The following MCM8 variants were observed in gnomAD, a reference collection of about 807,000 sequenced individuals.
MCM8 encodes minichromosome maintenance 8 homologous recombination repair factor.
A neutral mutation model predicts 98.9 loss-of-function variants in MCM8; 85 were observed. The observed-to-expected ratio is 0.86, with a 90% CI of 0.72 to 1.03. The LOEUF is 1.03. MCM8 is among the 50% of genes least tolerant of loss of function. The probability of loss-of-function intolerance (pLI) is 0.00; values close to 1 mark genes in which losing one functional copy is unlikely to be tolerated. For synonymous variants in MCM8, 352 were observed against 338.6 expected (o/e 1.04, Z -0.44); for missense variants, 951 against 997.8 (o/e 0.95, Z 0.63).
Position 5,952,017 on chromosome 20 carries a change from TGAATG to T in MCM8, c.5_9del (p.Asn2_?3). 1 of 1,611,986 alleles carries T rather than the reference TGAATG, an allele frequency of 6.2e-7. No individual in the cohort carries two copies. Among genetic ancestry groups the T allele is most frequent in the Non-Finnish European group, 8.5e-7 (1 of 1,178,912 alleles). ...TTTAATATCTATCTTTTAGGAGAGA[TGAATG>T]GAGAGTATAGAGGCAGAGGATTTGG... On this transcript the variant is annotated frameshift_variant and start_lost, in exon 2 of 19. Transcript: ENST00000610722. LOFTEE classifies it high-confidence loss of function.
At chr20:5,979,462 A>G (rs747034878) in intron 13 of MCM8, among the ~76,000 whole-genome samples, 1 of 152,090 alleles carries the variant, frequency 6.6e-6, no homozygotes, top group Non-Finnish European at 1.5e-5. Context: ...TATCTCCACA[A>G]ATTTCTCAAA....
Position 5,994,690 on chromosome 20 carries a change from G to T in MCM8, c.*299G>T. 1 of 472,558 alleles carries T rather than the reference G, an allele frequency of 2.1e-6. No individual in the cohort carries two copies. Among genetic ancestry groups the T allele is most frequent in the South Asian group, 1.7e-5 (1 of 60,518 alleles). 29.3% of individuals were successfully genotyped at this position (472,558 alleles called of 1,614,324 possible). On this transcript the variant is annotated 3_prime_UTR_variant, in exon 19 of 19. Transcript: ENST00000610722. ...GAGGTGAGAGGATTCCTTGAGGCCA[G>T]GGTTCGAGACCAACCTTGGGCAACA... is the stretch of plus-strand genomic sequence containing the variant.
chr20:5,983,977 G>A (rs1741893187), intron 14 of MCM8, among the ~76,000 whole-genome samples: 1 of 152,138 alleles, frequency 6.6e-6, no homozygotes, highest in Non-Finnish European at 1.5e-5. Context: ...GTACTAATGG[G>A]GGAACATGTC....
At chr20:5,980,626 C>G (rs1341101015) in intron 13 of MCM8, among the ~76,000 whole-genome samples, 1 of 152,032 alleles carries the variant, frequency 6.6e-6, no homozygotes, top group East Asian at 1.9e-4. Context: ...AATGCCAGCA[C>G]TTTGGGAGGC....
Position 5,967,600 on chromosome 20 carries a change from T to C in MCM8, c.1027+13T>C. 6.3e-7 allele frequency: 1 copy of C among 1,595,546 alleles called. No individual in the cohort carries two copies. Among genetic ancestry groups the C allele is most frequent in the South Asian group, 1.1e-5 (1 of 88,850 alleles). On this transcript the variant is annotated intron_variant, in intron 9 of 18. Transcript: ENST00000610722. The stretch of plus-strand genomic sequence containing the variant: ...AATGCGGAAGAAGGTAGGGTACAAC[T>C]CTTTTCATTATTTGTCTCTCAATAA...
chr20:5,957,908 A>G (rs1337799349), intron 6 of MCM8, among the ~76,000 whole-genome samples: 1 of 152,258 alleles, frequency 6.6e-6, no homozygotes, highest in South Asian at 2.1e-4. Flanking sequence ...CAGAATTTAT[A>G]GAAGAAAATT....
In MCM8 at chr20:5,985,979, G is replaced by T; in HGVS notation, c.2011G>T (p.Gly671Cys). Residue 671 changes from glycine (G) to cysteine (C), a missense_variant, in exon 16 of 19, where the codon GGC (glycine) becomes TGC (cysteine). Transcript: ENST00000610722. Reference protein sequence around the residue: ...IPHQLLRKYIGYARQYVYPRL... With the variant: ...IPHQLLRKYICYARQYVYPRL... ...CCACCAGCTATTGAGAAAGTACATT[G>T]GCTATGCTCGGCAGTATGTGTACCC... 16 of 1,614,202 alleles carry T rather than the reference G, an allele frequency of 9.9e-6. No individual in the cohort carries two copies. The highest frequency in any genetic ancestry group is 1.4e-5 in the Non-Finnish European group (16 of 1,180,032).
In MCM8 at chr20:5,993,715, C is replaced by T. The variant is rs1600320838; in HGVS notation, c.2430+20C>T. On this transcript the variant is annotated intron_variant, in intron 18 of 18. Coordinates refer to ENST00000610722, the MANE Select transcript of MCM8 (RefSeq NM_032485.6). Reference sequence around the variant, plus strand: ...ATTCAGGTATGTTAAACTAGTTAATCTCTTTTGTAATAATTTCAGGAGGTC... The same window carrying T: ...ATTCAGGTATGTTAAACTAGTTAATTTCTTTTGTAATAATTTCAGGAGGTC... The T allele has an allele frequency of 4.5e-6, 7 of 1,546,006 alleles. No homozygotes were observed. Among genetic ancestry groups the T allele is most frequent in the Middle Eastern group, 1.9e-4 (1 of 5,208 alleles).
chr20:5,985,122 A>G (rs568325817), intron 15 of MCM8, 122 bp downstream of exon 15: 12 of 728,586 alleles, frequency 1.6e-5, no homozygotes, highest in African/African-American at 7.1e-5. Context: ...TAATATTTCC[A>G]TACTAGAGTT....
At chr20:5,960,422 A>G (rs2089112001) in intron 7 of MCM8, among the ~76,000 whole-genome samples, 1 of 152,170 alleles carries the variant, frequency 6.6e-6, no homozygotes, top group Non-Finnish European at 1.5e-5. Context: ...TTGGGACTAC[A>G]GGTGCCAGCC....
At chr20:5,968,621 T>G (rs930961673) in intron 10 of MCM8, among the ~76,000 whole-genome samples, 61 of 152,208 alleles carry the variant, frequency 4.0e-4, no homozygotes, top group African/African-American at 1.4e-3. Flanking sequence ...TTCATTTACA[T>G]AAGTGTGCTG....
Position 5,955,764 on chromosome 20 carries a change from A to T in MCM8, c.486+513A>T, listed in dbSNP as rs2088964098. ...TATATGAAAACATTTTTAACTTTTT[A>T]AATTTTTTAAATTTATTTTTTATTT... On this transcript the variant is annotated intron_variant, in intron 5 of 18. Transcript: ENST00000610722. Among the ~76,000 whole-genome samples, 4 of 152,094 alleles carry T rather than the reference A, an allele frequency of 2.6e-5. 1 individual carries two copies. Among genetic ancestry groups the T allele is most frequent in the Admixed American group, 2.6e-4 (4 of 15,268 alleles).
At chr20:5,987,559 A>G (rs934003029) in intron 17 of MCM8, among the ~76,000 whole-genome samples, 2 of 151,992 alleles carry the variant, frequency 1.3e-5, no homozygotes, top group African/African-American at 4.8e-5. Context: ...TGAGTAATAC[A>G]TTTACATAGT....
intron 8 of MCM8, chr20:5,964,457 A>G (rs1293831377): frequency 6.6e-6 from 1 of 152,230 alleles, no homozygotes; most frequent in African/African-American, 2.4e-5. Flanking sequence ...ACTCTTGAGT[A>G]TGATCGTGTG....
At chr20:5,994,250 A>G (rs73070614) in intron 18 of MCM8, 49 bp from the exon 19 acceptor site, 22,887 of 1,083,236 alleles carry the variant, frequency 0.021, 467 homozygotes, top group Admixed American at 0.082. Context: ...TAAAAGTAAT[A>G]TTTTGACATG....
At chr20:5,975,626 A>C (rs532309253) in intron 12 of MCM8, among the ~76,000 whole-genome samples, 50 of 150,688 alleles carry the variant, frequency 3.3e-4, no homozygotes, top group African/African-American at 1.2e-3. Context: ...CGTCCCAAGT[A>C]GCTGGGACTA....
rs71334371 is a variant in MCM8, at chr20:5,997,185, CT to C, written c.*2810del. 0.075 allele frequency: 10,075 copies of C among 134,762 alleles called. 338 individuals carry two copies. The highest frequency in any genetic ancestry group is 0.23 in the East Asian group (1,088 of 4,770). The allele number at this position is 134,762 out of a possible 1,614,324, so 8.3% of individuals were successfully genotyped here. A position where few individuals can be genotyped will look rare whatever the true frequency, so the allele number is the denominator to read the frequency against. ...GAAAGTTTCTTTTTTTTTCTTTTTTCTTTTTTTTTTTTTTTTGAGACAGAGT... is the reference window on the plus strand; with the variant it reads ...GAAAGTTTCTTTTTTTTTCTTTTTTCTTTTTTTTTTTTTTTGAGACAGAGT... On this transcript the variant is annotated 3_prime_UTR_variant, in exon 19 of 19. Transcript: ENST00000610722.
chr20:5,988,499 T>C (rs2089779163), intron 17 of MCM8, among the ~76,000 whole-genome samples: 1 of 152,038 alleles, frequency 6.6e-6, no homozygotes, highest in Non-Finnish European at 1.5e-5. Context: ...AGTTTCCTCC[T>C]ACTCAGCTTA....
At chr20:5,982,930 GA>G in intron 13 of MCM8, 39 bp from the exon 14 acceptor site, 1 of 1,554,240 alleles carries the variant, frequency 6.4e-7, no homozygotes, top group Non-Finnish European at 8.7e-7. Flanking sequence ...CTTGACCAAA[GA>G]AAAAATGTTT....
Sources: gnomAD v4.1 joint callset for allele counts (sites outside exome capture counted in the v4.1 genomes callset) on GRCh38, gnomAD v4.1.1 for gene constraint, MANE v1.5 for transcripts, NCBI Gene and HGNC (gene_info 2026-07-23, HGNC 2026-07-21) for gene names.